The following CBX7 variants were observed in gnomAD, a reference collection of about 807,000 sequenced individuals.
CBX7 encodes chromobox protein homolog 7.
In CBX7, 14 loss-of-function variants were observed where a neutral mutation model predicts 31.4. The observed-to-expected ratio is 0.45, with a 90% CI of 0.29 to 0.70. The LOEUF is 0.70. CBX7 is among the 30% of genes least tolerant of loss of function. CBX7 has a pLI of 0.11. For missense variants in CBX7, 269 were observed against 351.9 expected (o/e 0.76, Z 1.89); for synonymous variants, 159 against 152.6 (o/e 1.04, Z -0.31).
intron 4 of CBX7, chr22:39,136,362 C>T (rs1453620556): frequency 6.6e-6 from 1 of 152,342 alleles, no homozygotes; most frequent in Non-Finnish European, 1.5e-5. Context: ...TCCATTCCCA[C>T]ACCCAGTGCT....
intron 1 of CBX7, among the ~76,000 whole-genome samples, chr22:39,150,324 G>A (rs1396450786): frequency 6.6e-6 from 1 of 152,140 alleles, no homozygotes; most frequent in African/African-American, 2.4e-5. Context: ...GCTGCCTCTG[G>A]CTCAGAGGTA....
Position 39,146,286 on chromosome 22 carries a change from G to A in CBX7, c.113+3503C>T, listed in dbSNP as rs546426800. Reference sequence around the variant, plus strand: ...TGAGTTAAATCAATGAAAAGCCCAGGGAGCGTAAAAGTCTGCGGCTCCTAA... The same window carrying A: ...TGAGTTAAATCAATGAAAAGCCCAGAGAGCGTAAAAGTCTGCGGCTCCTAA... On this transcript the variant is annotated intron_variant, in intron 2 of 5. Coordinates refer to ENST00000216133, the MANE Select transcript of CBX7 (RefSeq NM_175709.5). Among the ~76,000 whole-genome samples the A allele has an allele frequency of 2.0e-3, 307 of 152,350 alleles. 2 individuals carry two copies. The highest frequency in any genetic ancestry group is 3.7e-3 in the Non-Finnish European group (250 of 68,026).
intron 2 of CBX7, among the ~76,000 whole-genome samples, chr22:39,145,709 G>A (rs905086449): frequency 6.6e-6 from 1 of 150,396 alleles, no homozygotes; most frequent in East Asian, 2.0e-4. Flanking sequence ...CGGGATTACC[G>A]GCAAACCGAG....
At position 39,134,528 on chromosome 22, in the gene CBX7, C is replaced by G; in HGVS notation, c.471G>C (p.Pro157=). 6.2e-7 allele frequency: 1 copy of G among 1,611,780 alleles called. No homozygotes were observed. Among genetic ancestry groups the G allele is most frequent in the South Asian group, 1.1e-5 (1 of 90,828 alleles). Residue 157 remains proline, a synonymous_variant, in exon 5 of 6, where the codon CCG becomes CCC. Coordinates refer to ENST00000216133, the MANE Select transcript of CBX7 (RefSeq NM_175709.5). ...GGCTCTCCAGGTTGGGCCCGCGGGG[C>G]GGGAACTTCTTGCGCGAGAGCCGCA... ...KYLRLSRKKF[P]PRGPNLESHS... is the part of the protein sequence containing the mutation.
Position 39,133,828 on chromosome 22 carries a change from T to A in CBX7, c.*63A>T. The A allele has an allele frequency of 2.3e-5, 31 of 1,370,166 alleles. No homozygotes were observed. Among genetic ancestry groups the A allele is most frequent in the Non-Finnish European group, 2.8e-5 (28 of 1,007,142 alleles). The allele number at this position is 1,370,166 out of a possible 1,614,324, so 84.9% of individuals were successfully genotyped here. A position where few individuals can be genotyped will look rare whatever the true frequency, so the allele number is the denominator to read the frequency against. Reference sequence around the variant, plus strand: ...AATTACCCCGCCCCCAACCCATCCCTATCTCTGGAAGTCCCACCCCAAGCC... The same window carrying A: ...AATTACCCCGCCCCCAACCCATCCCAATCTCTGGAAGTCCCACCCCAAGCC... On this transcript the variant is annotated 3_prime_UTR_variant, in exon 6 of 6. Coordinates refer to ENST00000216133, the MANE Select transcript of CBX7 (RefSeq NM_175709.5).
intron 1 of CBX7, among the ~76,000 whole-genome samples, chr22:39,151,883 T>TC (rs1555914729): frequency 3.0e-5 from 4 of 133,418 alleles, no homozygotes; most frequent in South Asian, 2.4e-4. Flanking sequence ...TGTGCTCGGG[T>TC]GGCGTAGAGG....
chr22:39,149,801 C>G lies in CBX7; in HGVS notation c.101G>C (p.Gly34Ala). The G allele has an allele frequency of 6.2e-7, 1 of 1,613,962 alleles. No homozygotes were observed. Among genetic ancestry groups the G allele is most frequent in the Non-Finnish European group, 8.5e-7 (1 of 1,179,924 alleles). The change falls in exon 2 of 6, where the codon GGA becomes GCA. Residue 34 changes from glycine (G) to alanine (A), a missense_variant. This residue lies in a region of CBX7 where 47 missense variants were observed against 111.5 expected (regional missense o/e 0.42). Coordinates refer to ENST00000216133, the MANE Select transcript of CBX7 (RefSeq NM_175709.5). ...GKVEYLVKWK[G>A]WPPKYSTWEP... ...TGAAGGAGCTTACTTTGGGGGCCAT[C>G]CTTTCCACTTCACCAGATACTCGAC...
chr22:39,139,528 C>T (rs1037805818), intron 3 of CBX7, among the ~76,000 whole-genome samples: 1 of 151,694 alleles, frequency 6.6e-6, no homozygotes, highest in African/African-American at 2.4e-5. Context: ...CAGTGAAACC[C>T]TGTCTCTACT....
chr22:39,140,828 T>C (rs2051590417), intron 3 of CBX7, among the ~76,000 whole-genome samples: 1 of 151,902 alleles, frequency 6.6e-6, no homozygotes, highest in East Asian at 1.9e-4. Flanking sequence ...CTGGGCCACT[T>C]GGACAGGAGG....
intron 1 of CBX7, among the ~76,000 whole-genome samples, chr22:39,151,918 T>G (rs1475777567): frequency 6.6e-6 from 1 of 151,576 alleles, no homozygotes; most frequent in African/African-American, 2.4e-5. Context: ...AAGGCCAAAG[T>G]CCAGCAGGAA....
chr22:39,147,637 A>G (rs548810646), intron 2 of CBX7: 1 of 151,194 alleles, frequency 6.6e-6, no homozygotes, highest in Non-Finnish European at 1.5e-5. Context: ...GTTTCCCCCA[A>G]GTGAGGTGGG....
At chr22:39,137,362 G>A (rs1408749260) in intron 4 of CBX7, among the ~76,000 whole-genome samples, 1 of 151,464 alleles carries the variant, frequency 6.6e-6, no homozygotes, top group African/African-American at 2.4e-5. Flanking sequence ...GGGCGGGGCG[G>A]CAGGGGACGG....
chr22:39,144,606 CT>C (rs796279267), intron 2 of CBX7, among the ~76,000 whole-genome samples: 28 of 152,324 alleles, frequency 1.8e-4, no homozygotes, highest in African/African-American at 6.7e-4. Flanking sequence ...GGCAGACACT[CT>C]AACCCTTCCT....
At position 39,134,756 on chromosome 22, in the gene CBX7, C is replaced by T. The variant is rs1202577178; in HGVS notation, c.247-4G>A. On this transcript the variant is annotated splice_region_variant and splice_polypyrimidine_tract_variant and intron_variant, in intron 4 of 5. Transcript: ENST00000216133. ...GCAGGTCCATGCTGTACAGCCGCTG[C>T]GGGGGCAAGCCAGGGCAGCGCGGGT... The T allele has an allele frequency of 1.5e-5, 23 of 1,501,936 alleles. No individual in the cohort carries two copies. The highest frequency in any genetic ancestry group is 2.0e-5 in the Non-Finnish European group (22 of 1,117,394). 93.0% of individuals were successfully genotyped at this position (1,501,936 alleles called of 1,614,324 possible). A position where few individuals can be genotyped will look rare whatever the true frequency, so the allele number is the denominator to read the frequency against.
At position 39,147,305 on chromosome 22, in the gene CBX7, AT is replaced by A. The variant is rs552407808; in HGVS notation, c.113+2483del. 450 of 151,796 alleles carry A rather than the reference AT, an allele frequency of 3.0e-3. 3 individuals are homozygous for A. The highest frequency in any genetic ancestry group is 4.9e-3 in the Non-Finnish European group (332 of 67,980). 9.4% of individuals were successfully genotyped at this position (151,796 alleles called of 1,614,324 possible). On this transcript the variant is annotated intron_variant, in intron 2 of 5. Transcript: ENST00000216133. The stretch of plus-strand genomic sequence containing the variant: ...GGTCTGGAACTCCTGACCTCAAGTG[AT>A]CCGCCCACCTCAGTCTCCCAAAATG...
intron 1 of CBX7, among the ~76,000 whole-genome samples, chr22:39,151,404 T>C (rs574055204): frequency 5.3e-5 from 8 of 152,304 alleles, no homozygotes; most frequent in Middle Eastern, 3.4e-3. Context: ...ATCAGCCCAG[T>C]TGAGCTCCTG....
At chr22:39,147,119 TG>T (rs1372401725) in intron 2 of CBX7, 1 of 100,626 alleles carries the variant, frequency 9.9e-6, no homozygotes, top group Admixed American at 1.1e-4. Context: ...TTTTTTTTTG[TG>T]GGGGACGGCG....
intron 5 of CBX7, 142 bp from the exon 6 acceptor site, chr22:39,134,190 G>A: frequency 1.1e-6 from 1 of 936,782 alleles, no homozygotes; most frequent in South Asian, 1.7e-5. Context: ...ACACTTGGGA[G>A]GAGGGCACTG....
chr22:39,134,008 A>C lies in CBX7; in HGVS notation c.639T>G (p.Pro213=), dbSNP rs1193125074. The C allele has an allele frequency of 6.2e-7, 1 of 1,611,798 alleles. No homozygotes were observed. Among genetic ancestry groups the C allele is most frequent in the Non-Finnish European group, 8.5e-7 (1 of 1,178,600 alleles). ...DLAEGPPPWT[P]ALPSSEVTVT... ...CGGTCACCTCACTTGAGGGGAGCGCAGGTGTCCAGGGAGGGGGCCCCTCGG... is the reference window on the plus strand; with the variant it reads ...CGGTCACCTCACTTGAGGGGAGCGCCGGTGTCCAGGGAGGGGGCCCCTCGG... Residue 213 remains proline (P), a synonymous_variant, in exon 6 of 6, where the codon CCT becomes CCG. Coordinates refer to ENST00000216133, the MANE Select transcript of CBX7 (RefSeq NM_175709.5).
Sources: gnomAD v4.1 joint callset for allele counts (sites outside exome capture counted in the v4.1 genomes callset) on GRCh38, gnomAD v4.1.1 for gene constraint, gnomAD v4.1.1 regional missense constraint, MANE v1.5 for transcripts, NCBI Gene and HGNC (gene_info 2026-07-23, HGNC 2026-07-21) for gene names.